USP32: variants seen among roughly 807,000 people sequenced by gnomAD.
USP32 encodes the protein ubiquitin specific peptidase 32.
In USP32, 59 loss-of-function variants were observed where a neutral mutation model predicts 204.8. That is an observed-to-expected ratio of 0.29 (90% CI 0.23 to 0.36). The LOEUF (loss-of-function observed/expected upper bound fraction) is 0.36, where lower values mean the gene tolerates loss of function less well. Ranked by LOEUF, USP32 falls within the 10% of genes least tolerant of loss-of-function variation. The probability of loss-of-function intolerance (pLI) is 1.00; values close to 1 mark genes in which losing one functional copy is unlikely to be tolerated. For synonymous variants in USP32, 517 were observed against 678.4 expected (o/e 0.76, Z 3.70); for missense variants, 1,160 against 1,946.4 (o/e 0.60, Z 7.60).
At chr17:60,350,123 C>T (rs796628007) in intron 1 of USP32, among the ~76,000 whole-genome samples, 4 of 151,918 alleles carry the variant, frequency 2.6e-5, no homozygotes, top group African/African-American at 9.7e-5. Context: ...AGCAATCCTC[C>T]CACCTCAGCC....
In USP32 at chr17:60,336,113, A is replaced by G. The variant is rs984549349; in HGVS notation, c.186+9368T>C. Among the ~76,000 whole-genome samples the G allele has an allele frequency of 6.3e-5, 9 of 142,938 alleles. 1 individual carries two copies. The highest frequency in any genetic ancestry group is 8.9e-5 in the Non-Finnish European group (6 of 67,758). The allele number at this position is 142,938 out of a possible 152,430, so 93.8% of individuals were successfully genotyped here. A position where few individuals can be genotyped will look rare whatever the true frequency, so the allele number is the denominator to read the frequency against. ...GTTTTTTAGTATGAATTACTTCTTT[A>G]ACATCTGGCATACCACTTAGAACAT... On this transcript the variant is annotated intron_variant, in intron 2 of 33. Transcript: ENST00000300896.
rs1267872746 is a variant in USP32 at position 60,272,126 on chromosome 17, T to C, written c.572-645A>G. ...CACTGTGCTCAGCCATTTTTGTTTA[T>C]TTTCAATCTCTATCTTGGATTTAAA... On this transcript the variant is annotated intron_variant, in intron 5 of 33. Coordinates refer to ENST00000300896, the MANE Select transcript of USP32 (RefSeq NM_032582.4). Among the ~76,000 whole-genome samples, 4 of 152,216 alleles carry C rather than the reference T, an allele frequency of 2.6e-5. No individual in the cohort carries two copies. The East Asian group carries it at 5.8e-4, about 22-fold the overall frequency.
intron 1 of USP32, among the ~76,000 whole-genome samples, chr17:60,389,510 T>C (rs1039834925): frequency 6.6e-6 from 1 of 151,134 alleles, no homozygotes; most frequent in African/African-American, 2.4e-5. Flanking sequence ...GCCACTGCAC[T>C]CCAGCCTGGG....
chr17:60,199,726 G>C (rs1463546508), intron 26 of USP32, among the ~76,000 whole-genome samples: 1 of 152,064 alleles, frequency 6.6e-6, no homozygotes, highest in East Asian at 1.9e-4. Context: ...ATTATTATAA[G>C]ATCCAGAGAA....
At chr17:60,196,232 C>T (rs954957107) in intron 27 of USP32, among the ~76,000 whole-genome samples, 1 of 150,254 alleles carries the variant, frequency 6.7e-6, no homozygotes, top group African/African-American at 2.5e-5. Context: ...TGCCACTGCA[C>T]TCCAGCCTGG....
intron 1 of USP32, among the ~76,000 whole-genome samples, chr17:60,414,393 T>C (rs1302780224): frequency 6.6e-6 from 1 of 151,332 alleles, no homozygotes; most frequent in Non-Finnish European, 1.5e-5. Flanking sequence ...ATAAAATATC[T>C]CCTGACTCTA....
intron 7 of USP32, among the ~76,000 whole-genome samples, chr17:60,266,614 G>T (rs1265607955): frequency 6.8e-6 from 1 of 146,588 alleles, no homozygotes; most frequent in South Asian, 2.2e-4. Flanking sequence ...TCAGCCTCCC[G>T]AGTAGCTGGG....
intron 2 of USP32, among the ~76,000 whole-genome samples, chr17:60,344,338 C>T (rs2088732621): frequency 6.6e-6 from 1 of 152,064 alleles, no homozygotes; most frequent in Non-Finnish European, 1.5e-5. Flanking sequence ...CCATGTTGGC[C>T]AGGCTGGTCT....
chr17:60,305,807 A>G (rs6503958), intron 2 of USP32, among the ~76,000 whole-genome samples: 30,485 of 152,170 alleles, frequency 0.2, 7,437 homozygotes, highest in African/African-American at 0.58. Context: ...TGAGTAAGGT[A>G]TGACTTTCAG....
intron 16 of USP32, among the ~76,000 whole-genome samples, chr17:60,215,636 G>A (rs1303661002): frequency 9.2e-5 from 14 of 151,812 alleles, no homozygotes; most frequent in South Asian, 4.2e-4. Flanking sequence ...CAATTATCTG[G>A]CACAGTGGTA....
chr17:60,365,609 C>G (rs1433730122), intron 1 of USP32, among the ~76,000 whole-genome samples: 1 of 150,672 alleles, frequency 6.6e-6, no homozygotes, highest in Non-Finnish European at 1.5e-5. Context: ...CAGTATTTCC[C>G]CAAGGAACTC....
chr17:60,186,984 C>T (rs1347237205), intron 29 of USP32, among the ~76,000 whole-genome samples: 1 of 152,060 alleles, frequency 6.6e-6, no homozygotes, highest in East Asian at 1.9e-4. Flanking sequence ...AGAGCCCAGA[C>T]CACAAGGCCC....
intron 2 of USP32, among the ~76,000 whole-genome samples, chr17:60,302,551 G>A (rs764563697): frequency 1.1e-4 from 17 of 152,244 alleles, no homozygotes; most frequent in Non-Finnish European, 1.6e-4. Flanking sequence ...TGGGTTTATC[G>A]GGCTGTAATC....
At chr17:60,313,659 A>T (rs2087906562) in intron 2 of USP32, among the ~76,000 whole-genome samples, 1 of 152,118 alleles carries the variant, frequency 6.6e-6, no homozygotes, top group Middle Eastern at 3.2e-3. Flanking sequence ...CACCTCATTG[A>T]ACATCCAGAG....
intron 1 of USP32, among the ~76,000 whole-genome samples, chr17:60,365,523 C>T (rs1327747912): frequency 2.0e-5 from 3 of 151,754 alleles, no homozygotes; most frequent in Non-Finnish European, 4.4e-5. Flanking sequence ...TATAAATGAC[C>T]ATGTTTTAAA....
intron 7 of USP32, among the ~76,000 whole-genome samples, chr17:60,268,813 C>A (rs1451576668): frequency 2.0e-5 from 3 of 151,962 alleles, no homozygotes; most frequent in African/African-American, 7.3e-5. Context: ...ATATTGAACA[C>A]CACACCCAAA....
At chr17:60,304,243 C>T (rs1351523849) in intron 2 of USP32, among the ~76,000 whole-genome samples, 2 of 151,232 alleles carry the variant, frequency 1.3e-5, no homozygotes, top group African/African-American at 4.9e-5. Context: ...TTATGTAAGC[C>T]AGAAATCAAT....
rs77474435 is a variant in USP32, at chr17:60,368,870, A to G, written c.58+23012T>C. ...TAAAAGTCTGGACTTCATATAATGC[A>G]ATCCAAGTTTCTCTGAGAAAATGAA... On this transcript the variant is annotated intron_variant, in intron 1 of 33. Coordinates refer to ENST00000300896, the MANE Select transcript of USP32 (RefSeq NM_032582.4). Among the ~76,000 whole-genome samples the G allele has an allele frequency of 4.1e-3, 619 of 152,256 alleles. 1 individual carries two copies. The highest frequency in any genetic ancestry group is 6.7e-3 in the Non-Finnish European group (458 of 68,024).
intron 1 of USP32, chr17:60,421,521 G>A (rs1411337201): frequency 1.1e-5 from 11 of 985,384 alleles, no homozygotes; most frequent in South Asian, 4.7e-5. Flanking sequence ...GGGCCCAGAG[G>A]ACACGAAGGA....
Sources: gnomAD v4.1 joint callset for allele counts (sites outside exome capture counted in the v4.1 genomes callset) on GRCh38, gnomAD v4.1.1 for gene constraint, MANE v1.5 for transcripts, NCBI Gene and HGNC (gene_info 2026-07-23, HGNC 2026-07-21) for gene names.